RARB: variants seen among roughly 807,000 people sequenced by gnomAD.
RARB encodes the protein retinoic acid receptor beta.
Under a neutral mutation model 51.9 loss-of-function variants are expected in RARB, and 17 were observed. That is an observed-to-expected ratio of 0.33 (90% CI 0.22 to 0.49). The LOEUF (loss-of-function observed/expected upper bound fraction) is 0.49, where lower values mean the gene tolerates loss of function less well. Among genes scored for constraint, RARB ranks in the 20% least tolerant of loss-of-function variants. The pLI, the probability that RARB is intolerant of heterozygous loss-of-function variation, is 0.99. For synonymous variants in RARB, 215 were observed against 195.4 expected, an observed-to-expected ratio of 1.10 and a Z score of -0.84; for missense variants, 369 against 550.8, an observed-to-expected ratio of 0.67 and a Z score of 3.30.
At chr3:24,931,921 GTGA>G (rs1695448037) in intron 2 of RARB, among the ~76,000 whole-genome samples, 1 of 152,016 alleles carries the variant, frequency 6.6e-6, no homozygotes, top group Non-Finnish European at 1.5e-5. Context: ...TTGGAGAGTG[GTGA>G]CTATGCAGCC....
chr3:25,589,917 G>A (rs1327519383), intron 5 of RARB, among the ~76,000 whole-genome samples: 3 of 152,206 alleles, frequency 2.0e-5, no homozygotes. Context: ...GTACTTGGTG[G>A]TTGCCACTGG....
At chr3:25,152,157 A>G (rs1700297441) in intron 4 of RARB, among the ~76,000 whole-genome samples, 1 of 152,216 alleles carries the variant, frequency 6.6e-6, no homozygotes, top group Non-Finnish European at 1.5e-5. Flanking sequence ...CAGAAATCAT[A>G]TCTCCCGTTG....
At chr3:25,567,135 G>T (rs535163976) in intron 3 of RARB, among the ~76,000 whole-genome samples, 1 of 152,194 alleles carries the variant, frequency 6.6e-6, no homozygotes, top group South Asian at 2.1e-4. Flanking sequence ...GTTTTTTGTT[G>T]GTGTTGTTTT....
intron 4 of RARB, among the ~76,000 whole-genome samples, chr3:25,140,394 A>G (rs1243523394): frequency 6.6e-6 from 1 of 152,164 alleles, no homozygotes; most frequent in Non-Finnish European, 1.5e-5. Context: ...GAGAGGTTCA[A>G]AACTCTACTG....
chr3:25,396,307 C>G (rs924269942), intron 5 of RARB, among the ~76,000 whole-genome samples: 3 of 152,168 alleles, frequency 2.0e-5, no homozygotes, highest in Non-Finnish European at 4.4e-5. Context: ...GGTTGTAGTT[C>G]TGTTTAGTGT....
At chr3:25,280,283 G>A (rs1469288590) in intron 5 of RARB, among the ~76,000 whole-genome samples, 1 of 152,142 alleles carries the variant, frequency 6.6e-6, no homozygotes, top group Non-Finnish European at 1.5e-5. Flanking sequence ...CCAGAAATAA[G>A]AATATTCCTT....
intron 3 of RARB, among the ~76,000 whole-genome samples, chr3:25,565,565 T>C (rs749568813): frequency 1.3e-5 from 2 of 152,130 alleles, no homozygotes; most frequent in South Asian, 2.1e-4. Context: ...AGATACTCAA[T>C]AAATATTCAT....
intron 3 of RARB, among the ~76,000 whole-genome samples, chr3:25,086,354 T>A (rs1699105510): frequency 6.6e-6 from 1 of 152,200 alleles, no homozygotes; most frequent in Non-Finnish European, 1.5e-5. Flanking sequence ...CATCTTTCTT[T>A]GTGTACTGTG....
chr3:25,354,490 G>T (rs763841066), intron 5 of RARB, among the ~76,000 whole-genome samples: 2 of 151,992 alleles, frequency 1.3e-5, no homozygotes, highest in African/African-American at 4.8e-5. Context: ...TTTATGTTAC[G>T]TTATTTTGGA....
At chr3:24,867,131 G>A (rs576600095) in intron 2 of RARB, among the ~76,000 whole-genome samples, 17 of 152,192 alleles carry the variant, frequency 1.1e-4, no homozygotes, top group Admixed American at 3.9e-4. Context: ...TTGACCTCTG[G>A]AATTATGGCT....
At chr3:25,570,319 G>C (rs766032344) in intron 4 of RARB, among the ~76,000 whole-genome samples, 1 of 152,210 alleles carries the variant, frequency 6.6e-6, no homozygotes, top group Non-Finnish European at 1.5e-5. Flanking sequence ...ACGGACCTCT[G>C]TACGGAGGGA....
chr3:25,021,076 T>A (rs1697626119), intron 2 of RARB, among the ~76,000 whole-genome samples: 1 of 152,208 alleles, frequency 6.6e-6, no homozygotes, highest in Non-Finnish European at 1.5e-5. Flanking sequence ...TTCTGAAAAA[T>A]TATTAGATTA....
intron 2 of RARB, among the ~76,000 whole-genome samples, chr3:24,929,889 A>G (rs1175829910): frequency 6.6e-6 from 1 of 152,146 alleles, no homozygotes; most frequent in South Asian, 2.1e-4. Context: ...AGTAATTCTT[A>G]ACAATTACAA....
At chr3:25,247,378 C>T (rs943589390) in intron 5 of RARB, among the ~76,000 whole-genome samples, 2 of 152,166 alleles carry the variant, frequency 1.3e-5, no homozygotes, top group Non-Finnish European at 2.9e-5. Context: ...CAAACAAAAA[C>T]TCTGGCATCT....
chr3:25,413,559 A>T (rs1281390428), intron 5 of RARB, among the ~76,000 whole-genome samples: 2 of 152,228 alleles, frequency 1.3e-5, no homozygotes, highest in Non-Finnish European at 2.9e-5. Context: ...CTGACAAATG[A>T]CTTTCCAAGA....
chr3:25,142,829 C>T (rs1313460452), intron 4 of RARB, among the ~76,000 whole-genome samples: 1 of 151,980 alleles, frequency 6.6e-6, no homozygotes, highest in African/African-American at 2.4e-5. Context: ...GGTCAAGATG[C>T]GGGAGAAAAT....
chr3:24,994,918 T>C (rs1233760944), intron 2 of RARB, among the ~76,000 whole-genome samples: 1 of 152,144 alleles, frequency 6.6e-6, no homozygotes. Flanking sequence ...TGAGGTCTGG[T>C]AGTGTGATAC....
At chr3:24,866,244 T>C (rs1702845693) in intron 2 of RARB, among the ~76,000 whole-genome samples, 1 of 152,104 alleles carries the variant, frequency 6.6e-6, no homozygotes, top group Admixed American at 6.6e-5. Context: ...TTCCAGGAAC[T>C]GTCTCATCCC....
intron 5 of RARB, among the ~76,000 whole-genome samples, chr3:25,204,016 CAG>C (rs1701464051): frequency 6.6e-6 from 1 of 152,178 alleles, no homozygotes; most frequent in Non-Finnish European, 1.5e-5. Flanking sequence ...TAATATCCTG[CAG>C]AGTGTTTTCC....
Sources: gnomAD v4.1 joint callset for allele counts (sites outside exome capture counted in the v4.1 genomes callset) on GRCh38, gnomAD v4.1.1 for gene constraint, MANE v1.5 for transcripts, NCBI Gene and HGNC (gene_info 2026-07-23, HGNC 2026-07-21) for gene names.